Variants in IRF4 observed in about 807,000 individuals in gnomAD.
The protein encoded by IRF4 is interferon regulatory factor 4.
In IRF4, 13 loss-of-function variants were observed where a neutral mutation model predicts 55.5. That is an observed-to-expected ratio of 0.23 (90% CI 0.15 to 0.37). The LOEUF (loss-of-function observed/expected upper bound fraction) is 0.37, where lower values mean the gene tolerates loss of function less well. Among genes scored for constraint, IRF4 ranks in the 10% least tolerant of loss-of-function variants. The pLI, the probability that IRF4 is intolerant of heterozygous loss-of-function variation, is 1.00. For synonymous variants in IRF4, 249 were observed against 240.7 expected, an observed-to-expected ratio of 1.03 and a Z score of -0.32; for missense variants, 397 against 593.8, an observed-to-expected ratio of 0.67 and a Z score of 3.44.
chr6:406,304 G>C (rs776600441), intron 8 of IRF4, among the ~76,000 whole-genome samples: 45 of 152,338 alleles, frequency 3.0e-4, no homozygotes, highest in South Asian at 1.4e-3. Context: ...GGCACTTTGG[G>C]AGGCTGAGGC....
intron 4 of IRF4, among the ~76,000 whole-genome samples, chr6:396,857 A>C: frequency 1.1e-5 from 1 of 93,652 alleles, no homozygotes. Context: ...CCCCCGTCTC[A>C]ATGCCAGTGC....
intron 4 of IRF4, among the ~76,000 whole-genome samples, chr6:396,748 G>A (rs552090381): frequency 1.4e-5 from 1 of 69,504 alleles, no homozygotes; most frequent in Non-Finnish European, 2.4e-5. Context: ...CTTTACCCCC[G>A]TCTCAATGCC....
In IRF4 at chr6:401,702, C is replaced by T. The variant is rs2127440266; in HGVS notation, c.1024C>T (p.Leu342=). The T allele has an allele frequency of 1.2e-6, 2 of 1,614,254 alleles. No individual in the cohort carries two copies. Among genetic ancestry groups the T allele is most frequent in the Non-Finnish European group, 1.7e-6 (2 of 1,180,058 alleles). ...GATCTACTGGGACGGGCCCCTGGCG[C>T]TGTGCAACGACCGGCCCAACAAACT... ...SRIYWDGPLA[L]CNDRPNKLER... is the part of the protein sequence containing the mutation. The change falls in exon 7 of 9, where the codon CTG becomes TTG. Residue 342 remains leucine (L), a synonymous_variant. Transcript: ENST00000380956.
Position 410,955 on chromosome 6 carries a change from T to G in IRF4, c.*3357T>G, listed in dbSNP as rs571055194. ...TGATCTCGATGCAGGTGGATCTCCT[T>G]GAGATCCTGATAGCCTGTTACAGGA... On this transcript the variant is annotated 3_prime_UTR_variant, in exon 9 of 9. Transcript: ENST00000380956. The G allele has an allele frequency of 1.7e-5, 4 of 232,472 alleles. No homozygotes were observed. The East Asian group carries it at 2.4e-4, about 14-fold the overall frequency. The allele number at this position is 232,472 out of a possible 1,614,324, so 14.4% of individuals were successfully genotyped here.
chr6:404,292 G>A (rs1490445988), intron 7 of IRF4, among the ~76,000 whole-genome samples: 1 of 152,336 alleles, frequency 6.6e-6, no homozygotes, highest in East Asian at 1.9e-4. Context: ...AGTCCGTTTT[G>A]TATCTTTTGG....
In IRF4 at chr6:394,702, C is replaced by G. The variant is rs1761208284; in HGVS notation, c.217-119C>G. On this transcript the variant is annotated intron_variant, in intron 2 of 8. Transcript: ENST00000380956. Reference sequence around the variant, plus strand: ...CTCAGGAGTTCGATGCTGCGGTGAGCTATCATCGTGCCACTGTACTCTAGC... The same window carrying G: ...CTCAGGAGTTCGATGCTGCGGTGAGGTATCATCGTGCCACTGTACTCTAGC... 12 of 909,196 alleles carry G rather than the reference C, an allele frequency of 1.3e-5. No individual in the cohort carries two copies. In the East Asian group the frequency reaches 2.7e-4, roughly 20 times the overall value. 56.3% of individuals were successfully genotyped at this position (909,196 alleles called of 1,614,324 possible).
At chr6:396,020 C>G in intron 4 of IRF4, 85 bp downstream of exon 4, 1 of 1,082,894 alleles carries the variant, frequency 9.2e-7, no homozygotes, top group Non-Finnish European at 1.4e-6. Context: ...GCAGCCCAGA[C>G]AGCAGAACTT....
chr6:406,937 T>C, intron 8 of IRF4: 1 of 1,020,108 alleles, frequency 9.8e-7, no homozygotes, highest in African/African-American at 1.7e-5. Context: ...ACAGTATAAA[T>C]TTGAGGCCAG....
chr6:399,996 T>C (rs1228670750), intron 6 of IRF4, among the ~76,000 whole-genome samples: 1 of 152,198 alleles, frequency 6.6e-6, no homozygotes, highest in Admixed American at 6.5e-5. Flanking sequence ...CAGCTATTTA[T>C]ATCTCGGCAA....
intron 4 of IRF4, 29 bp downstream of exon 4, chr6:395,964 G>T: frequency 1.3e-6 from 2 of 1,569,198 alleles, no homozygotes; most frequent in Non-Finnish European, 1.7e-6. Flanking sequence ...GGCTCCCTGA[G>T]GGCGAGGCTG....
At chr6:394,559 T>G (rs1386452237) in intron 2 of IRF4, among the ~76,000 whole-genome samples, 1 of 152,272 alleles carries the variant, frequency 6.6e-6, no homozygotes, top group East Asian at 1.9e-4. Flanking sequence ...CTATGCAACA[T>G]AGTGAGACCC....
rs1761106681 is a variant in IRF4, at chr6:391,765, G to C, written c.-100G>C. Reference sequence around the variant, plus strand: ...CCTCGCACTCTCAGTTTCACCGCTCGATCTTGGGACCCACCGCTGCCCTCA... The same window carrying C: ...CCTCGCACTCTCAGTTTCACCGCTCCATCTTGGGACCCACCGCTGCCCTCA... On this transcript the variant is annotated 5_prime_UTR_variant, in exon 1 of 9. Transcript: ENST00000380956. 3 of 452,782 alleles carry C rather than the reference G, an allele frequency of 6.6e-6. No individual in the cohort carries two copies. Among genetic ancestry groups the C allele is most frequent in the South Asian group, 3.1e-5 (2 of 64,300 alleles). The allele number at this position is 452,782 out of a possible 1,614,324, so 28.0% of individuals were successfully genotyped here.
chr6:398,946 G>C lies in IRF4; in HGVS notation c.745+11G>C. Reference sequence around the variant, plus strand: ...CCTTGGCGTTCTCAGGTGAGTGCAGGGTTTGCTCCTGGAGGCACCGCAGGA... The same window carrying C: ...CCTTGGCGTTCTCAGGTGAGTGCAGCGTTTGCTCCTGGAGGCACCGCAGGA... On this transcript the variant is annotated intron_variant, in intron 6 of 8. Coordinates refer to ENST00000380956, the MANE Select transcript of IRF4 (RefSeq NM_002460.4). The C allele has an allele frequency of 6.3e-7, 1 of 1,590,716 alleles. No individual in the cohort carries two copies. Among genetic ancestry groups the C allele is most frequent in the East Asian group, 2.2e-5 (1 of 44,500 alleles).
At chr6:402,377 G>A (rs1333494209) in intron 7 of IRF4, among the ~76,000 whole-genome samples, 2 of 152,002 alleles carry the variant, frequency 1.3e-5, no homozygotes, top group African/African-American at 2.4e-5. Context: ...GAAGCCCCTC[G>A]CCCTGTCATG....
chr6:402,705 C>G (rs1761436784), intron 7 of IRF4, among the ~76,000 whole-genome samples: 1 of 152,238 alleles, frequency 6.6e-6, no homozygotes, highest in Non-Finnish European at 1.5e-5. Flanking sequence ...TCCAGATTTT[C>G]TTTTGGTGCC....
intron 4 of IRF4, 48 bp from the exon 5 acceptor site, chr6:397,060 G>A (rs780525982): frequency 6.2e-6 from 10 of 1,601,788 alleles, no homozygotes; most frequent in African/African-American, 4.1e-5. Flanking sequence ...CTTTACCCCC[G>A]TCTCAATGCC....
intron 3 of IRF4, 61 bp from the exon 4 acceptor site, chr6:395,786 A>G: frequency 8.2e-7 from 1 of 1,219,538 alleles, no homozygotes; most frequent in Non-Finnish European, 1.2e-6. Context: ...AAGATTTGAC[A>G]TTTAGTTAGG....
chr6:407,904 C>A lies in IRF4; in HGVS notation c.*306C>A. On this transcript the variant is annotated 3_prime_UTR_variant, in exon 9 of 9. Transcript: ENST00000380956. Reference sequence around the variant, plus strand: ...GAATTCAGAAGTGGAGATTTCAGTTCAGCGGTTGAGGAGAATTGCGGCGAG... The same window carrying A: ...GAATTCAGAAGTGGAGATTTCAGTTAAGCGGTTGAGGAGAATTGCGGCGAG... The A allele has an allele frequency of 3.0e-6, 1 of 338,274 alleles. No homozygotes were observed. Among genetic ancestry groups the A allele is most frequent in the Admixed American group, 4.9e-5 (1 of 20,390 alleles). 21.0% of individuals were successfully genotyped at this position (338,274 alleles called of 1,614,324 possible). A position where few individuals can be genotyped will look rare whatever the true frequency, so the allele number is the denominator to read the frequency against.
chr6:395,055 C>T, intron 3 of IRF4, 48 bp downstream of exon 3: 1 of 1,381,098 alleles, frequency 7.2e-7, no homozygotes, highest in Non-Finnish European at 9.9e-7. Flanking sequence ...CAGCCAGATC[C>T]TTGAGGCACC....
Sources: gnomAD v4.1 joint callset for allele counts (sites outside exome capture counted in the v4.1 genomes callset) on GRCh38, gnomAD v4.1.1 for gene constraint, MANE v1.5 for transcripts, NCBI Gene and HGNC (gene_info 2026-07-23, HGNC 2026-07-21) for gene names.